NT5DC4: variants seen among roughly 807,000 people sequenced by gnomAD.
The protein encoded by NT5DC4 is 5'-nucleotidase domain containing 4.
Under a neutral mutation model 26.6 loss-of-function variants are expected in NT5DC4, and 44 were observed. The ratio of observed to expected loss-of-function variants is 1.65; its 90% CI spans 1.30 to 2.13. The LOEUF (loss-of-function observed/expected upper bound fraction) is 2.13, where lower values mean the gene tolerates loss of function less well. Among genes scored for constraint, NT5DC4 ranks in the 30% most tolerant of loss-of-function variants. NT5DC4 has a pLI of 0.00. For missense variants in NT5DC4, 399 were observed against 228.1 expected (o/e 1.75, Z -4.83); for synonymous variants, 157 against 86.7 (o/e 1.81, Z -4.51).
In NT5DC4 at chr2:112,722,233, A is replaced by G. The variant is rs536449983; in HGVS notation, c.317A>G (p.His106Arg). The stretch of plus-strand genomic sequence containing the variant: ...GGGAACCTGCTGAAGGTGGACGCCC[A>G]CGGGAATGTGCTGCTGGGTGCCTAT... ...LYGNLLKVDA[H>R]GNVLLGAYGF... is the part of the protein sequence containing the mutation. The change falls in exon 4 of 17, where the codon CAC (histidine) becomes CGC (arginine). Residue 106 changes from histidine (H) to arginine (R), a missense_variant. Coordinates refer to ENST00000688554, the MANE Select transcript of NT5DC4 (RefSeq NM_001393655.1). The G allele has an allele frequency of 2.0e-5, 14 of 716,902 alleles. No homozygotes were observed. The East Asian group carries it at 3.8e-4, about 19-fold the overall frequency. 44.4% of individuals were successfully genotyped at this position (716,902 alleles called of 1,614,324 possible). A position where few individuals can be genotyped will look rare whatever the true frequency, so the allele number is the denominator to read the frequency against.
At chr2:112,723,548 T>C in intron 8 of NT5DC4, 80 bp downstream of exon 8, 5 of 704,502 alleles carry the variant, frequency 7.1e-6, no homozygotes, top group Non-Finnish European at 1.1e-5. Flanking sequence ...TCTGGCTTTC[T>C]TCGAGGTTTA....
intron 15 of NT5DC4, 109 bp downstream of exon 15, chr2:112,726,847 C>T (rs1213827808): frequency 5.7e-6 from 4 of 700,650 alleles, no homozygotes; most frequent in Non-Finnish European, 8.0e-6. Flanking sequence ...GGCCCAGTTA[C>T]CCCATTCTCC....
At chr2:112,724,640 C>A (rs1020123103) in intron 10 of NT5DC4, 141 bp from the exon 11 acceptor site, 10 of 620,652 alleles carry the variant, frequency 1.6e-5, no homozygotes, top group Non-Finnish European at 2.9e-5. Context: ...AGCTGGGCAG[C>A]GAGACCGGGT....
chr2:112,725,734 G>A (rs929284255), intron 13 of NT5DC4, among the ~76,000 whole-genome samples, 182 bp downstream of exon 13: 1 of 152,168 alleles, frequency 6.6e-6, no homozygotes, highest in African/African-American at 2.4e-5. Flanking sequence ...TAAGCGGCCT[G>A]CCCGAAGTCA....
In NT5DC4 at chr2:112,721,799, T is replaced by C. The variant is rs1158515143; in HGVS notation, c.75-19T>C. ...GGGGGCTGGTGGACTGATGCCAACA[T>C]CCTCCTCTCTCTCCCCAGGATTTTT... On this transcript the variant is annotated intron_variant, in intron 1 of 16. Coordinates refer to ENST00000688554, the MANE Select transcript of NT5DC4 (RefSeq NM_001393655.1). 1 of 717,204 alleles carries C rather than the reference T, an allele frequency of 1.4e-6. No homozygotes were observed. The highest frequency in any genetic ancestry group is 2.6e-6 in the Non-Finnish European group (1 of 385,092). 44.4% of individuals were successfully genotyped at this position (717,204 alleles called of 1,614,324 possible).
At chr2:112,720,123 C>T (rs1286103895), upstream of NT5DC4, among the ~76,000 whole-genome samples, 1 of 150,584 alleles carries the variant, frequency 6.6e-6, no homozygotes, top group East Asian at 1.9e-4. Context: ...TCATTGCAAC[C>T]TCCAACCCCT....
At chr2:112,726,367 C>T (rs527879558) in intron 14 of NT5DC4, 78 bp downstream of exon 14, 17 of 711,314 alleles carry the variant, frequency 2.4e-5, no homozygotes, top group East Asian at 1.1e-4. Flanking sequence ...CCCTGCCTGG[C>T]GGCGAGGTCC....
chr2:112,724,324 G>A, intron 10 of NT5DC4, 198 bp downstream of exon 10: 1 of 620,970 alleles, frequency 1.6e-6, no homozygotes, highest in Non-Finnish European at 2.9e-6. Flanking sequence ...GGCCCTGGGA[G>A]GAGCCTTTGG....
At chr2:112,740,590 G>C (rs1375126278), downstream of NT5DC4, among the ~76,000 whole-genome samples, 1 of 152,090 alleles carries the variant, frequency 6.6e-6, no homozygotes, top group African/African-American at 2.4e-5. Context: ...GCTGTGTCAG[G>C]ACTTGCAGGA....
At chr2:112,719,903 TTTTTC>T (rs1558714422), upstream of NT5DC4, among the ~76,000 whole-genome samples, 8 of 117,592 alleles carry the variant, frequency 6.8e-5, no homozygotes, top group African/African-American at 2.9e-4. Context: ...TCTTTCTTTC[TTTTTC>T]TTTCTTTCTT....
upstream of NT5DC4, among the ~76,000 whole-genome samples, chr2:112,718,942 T>G (rs903199032): frequency 1.3e-5 from 2 of 152,172 alleles, no homozygotes; most frequent in Non-Finnish European, 2.9e-5. Context: ...CCATCCATCC[T>G]CCATTCCTCC....
chr2:112,719,481 CTTTTTTTTT>C (rs57789268), upstream of NT5DC4, among the ~76,000 whole-genome samples: 3 of 101,292 alleles, frequency 3.0e-5, no homozygotes, highest in Non-Finnish European at 5.6e-5. Context: ...ACTTGTCTGT[CTTTTTTTTT>C]TTTTTTTTTT....
At chr2:112,719,889 CCTTTCTTTCTTTCTTTT>C (rs1558714201), upstream of NT5DC4, among the ~76,000 whole-genome samples, 72 of 77,362 alleles carry the variant, frequency 9.3e-4, no homozygotes, top group African/African-American at 3.2e-3. Context: ...TTCTTTCTTT[CCTTTCTTTCTTTCTTTT>C]TCTTTCTTTC....
At position 112,739,071 on chromosome 2, in the gene NT5DC4, T is replaced by A. The variant is rs745617877; in HGVS notation, c.*135T>A. ...ATTCTGAGAGACAGCAAGAGATGCA[T>A]TAAAAACCTTATCATTTAAAAAAAT... On this transcript the variant is annotated 3_prime_UTR_variant, in exon 17 of 17. Coordinates refer to ENST00000688554, the MANE Select transcript of NT5DC4 (RefSeq NM_001393655.1). 6.6e-7 allele frequency: 1 copy of A among 1,521,690 alleles called. No homozygotes were observed. Among genetic ancestry groups the A allele is most frequent in the South Asian group, 1.2e-5 (1 of 84,808 alleles). 94.3% of individuals were successfully genotyped at this position (1,521,690 alleles called of 1,614,324 possible). A position where few individuals can be genotyped will look rare whatever the true frequency, so the allele number is the denominator to read the frequency against.
chr2:112,740,701 G>T, downstream of NT5DC4: 2 of 778,552 alleles, frequency 2.6e-6, no homozygotes, highest in Non-Finnish European at 2.1e-6. Context: ...CCTGACTCTG[G>T]CAGCACCTTC....
chr2:112,737,506 C>G (rs1242483943), intron 16 of NT5DC4: 4 of 152,202 alleles, frequency 2.6e-5, no homozygotes, highest in Non-Finnish European at 5.9e-5. Context: ...TCTATACCTA[C>G]TGGCCATTTC....
Position 112,724,240 on chromosome 2 carries a change from G to A in NT5DC4, c.789+114G>A, listed in dbSNP as rs563320485. 664 of 702,400 alleles carry A rather than the reference G, an allele frequency of 9.5e-4. 10 individuals are homozygous for A. The highest frequency in any genetic ancestry group is 7.3e-3 in the South Asian group (492 of 67,030). The allele number at this position is 702,400 out of a possible 1,614,324, so 43.5% of individuals were successfully genotyped here. A position where few individuals can be genotyped will look rare whatever the true frequency, so the allele number is the denominator to read the frequency against. ...CCACGTCCAGCCTCCCTTTGAGGAA[G>A]ACCTGAGTGTGTGAGTGGTCATTTC... On this transcript the variant is annotated intron_variant, in intron 10 of 16. Coordinates refer to ENST00000688554, the MANE Select transcript of NT5DC4 (RefSeq NM_001393655.1).
chr2:112,726,988 T>C (rs1469680934), intron 15 of NT5DC4: 4 of 553,926 alleles, frequency 7.2e-6, no homozygotes, highest in Non-Finnish European at 6.5e-6. Context: ...AGTCCCACAG[T>C]CTTTGCCAAT....
At chr2:112,719,792 T>TCTTC (rs1404471750), upstream of NT5DC4, among the ~76,000 whole-genome samples, 2 of 150,914 alleles carry the variant, frequency 1.3e-5, no homozygotes, top group African/African-American at 4.9e-5. Flanking sequence ...CCCTTTTCTT[T>TCTTC]CTTCCTTTCC....
Sources: allele counts gnomAD v4.1 joint callset (sites outside exome capture counted in the v4.1 genomes callset), GRCh38; gene constraint gnomAD v4.1.1; transcripts MANE v1.5; gene names NCBI Gene and HGNC (gene_info 2026-07-23, HGNC 2026-07-21).